The following CSMD1 variants were observed in gnomAD, a reference collection of about 807,000 sequenced individuals.
CSMD1 encodes CUB and Sushi multiple domains 1.
Under a neutral mutation model 417.5 loss-of-function variants are expected in CSMD1, and 213 were observed. The observed-to-expected ratio is 0.51, with a 90% CI of 0.46 to 0.57. The LOEUF (loss-of-function observed/expected upper bound fraction) is 0.57, where lower values mean the gene tolerates loss of function less well. Ranked by LOEUF, CSMD1 falls within the 20% of genes least tolerant of loss-of-function variation. CSMD1 has a pLI of 0.00. For synonymous variants in CSMD1, 2,862 were observed against 1,736.8 expected (o/e 1.65, Z -16.11); for missense variants, 6,923 against 4,529.7 (o/e 1.53, Z -15.17).
At chr8:4,584,789 G>C (rs908001611) in intron 2 of CSMD1, among the ~76,000 whole-genome samples, 2 of 152,080 alleles carry the variant, frequency 1.3e-5, no homozygotes, top group African/African-American at 4.8e-5. Context: ...TCTGAGGTTA[G>C]GCCCGCTTCT....
intron 5 of CSMD1, among the ~76,000 whole-genome samples, chr8:3,754,433 CTTATTTATTTATTTATTTAT>C (rs34887868): frequency 1.4e-5 from 2 of 145,496 alleles, no homozygotes; most frequent in Non-Finnish European, 3.0e-5. Context: ...TTAGTAATTC[CTTATTTATTTATTTATTTAT>C]TTATTTATTT....
At chr8:3,889,122 T>A (rs1305659263) in intron 5 of CSMD1, among the ~76,000 whole-genome samples, 1 of 152,006 alleles carries the variant, frequency 6.6e-6, no homozygotes, top group African/African-American at 2.4e-5. Flanking sequence ...GAAGTTTTAC[T>A]CCCAATGATT....
At chr8:4,592,288 T>A (rs1800030810) in intron 2 of CSMD1, among the ~76,000 whole-genome samples, 1 of 151,614 alleles carries the variant, frequency 6.6e-6, no homozygotes, top group African/African-American at 2.4e-5. Flanking sequence ...ATAGTGAAAG[T>A]GGTATATTTA....
intron 5 of CSMD1, among the ~76,000 whole-genome samples, chr8:3,953,934 G>C (rs1163102183): frequency 2.0e-5 from 3 of 152,220 alleles, no homozygotes; most frequent in Non-Finnish European, 4.4e-5. Context: ...CCTGGCAAGG[G>C]TGGCTCTGGG....
intron 3 of CSMD1, among the ~76,000 whole-genome samples, chr8:4,154,754 C>T (rs746968204): frequency 1.3e-5 from 2 of 151,960 alleles, no homozygotes; most frequent in Non-Finnish European, 1.5e-5. Context: ...GCTAATATCC[C>T]CGTAAGATAT....
chr8:3,658,526 T>C (rs1348139046), intron 7 of CSMD1, among the ~76,000 whole-genome samples: 1 of 150,996 alleles, frequency 6.6e-6, no homozygotes, highest in Non-Finnish European at 1.5e-5. Flanking sequence ...CTCATGCCTG[T>C]AATCCCAGCA....
At chr8:3,117,159 C>G (rs944614989) in intron 42 of CSMD1, among the ~76,000 whole-genome samples, 2 of 152,144 alleles carry the variant, frequency 1.3e-5, no homozygotes, top group African/African-American at 4.8e-5. Flanking sequence ...CAACCTCAGC[C>G]TCCTGGGTTC....
At chr8:4,261,220 G>C (rs896211971) in intron 3 of CSMD1, among the ~76,000 whole-genome samples, 1 of 152,152 alleles carries the variant, frequency 6.6e-6, no homozygotes, top group African/African-American at 2.4e-5. Context: ...AGGAGGACCA[G>C]CCATTCCTGA....
At chr8:4,823,473 C>T (rs947127381) in intron 1 of CSMD1, among the ~76,000 whole-genome samples, 5 of 151,822 alleles carry the variant, frequency 3.3e-5, no homozygotes, top group African/African-American at 1.2e-4. Flanking sequence ...TTAGGGCAAC[C>T]GAGGATTCCA....
At chr8:3,841,431 A>C (rs544513444) in intron 5 of CSMD1, among the ~76,000 whole-genome samples, 2 of 152,162 alleles carry the variant, frequency 1.3e-5, no homozygotes, top group Non-Finnish European at 2.9e-5. Flanking sequence ...AAAACAACAA[A>C]ACAATCTTTG....
At chr8:3,797,513 G>A (rs1015162159) in intron 5 of CSMD1, among the ~76,000 whole-genome samples, 2 of 151,724 alleles carry the variant, frequency 1.3e-5, no homozygotes, top group African/African-American at 2.4e-5. Context: ...TTATATAAAT[G>A]GAATTATATA....
At chr8:4,151,232 G>A (rs1796555710) in intron 3 of CSMD1, among the ~76,000 whole-genome samples, 1 of 152,106 alleles carries the variant, frequency 6.6e-6, no homozygotes, top group South Asian at 2.1e-4. Context: ...TATAAATACG[G>A]TGAAGTTTAC....
chr8:4,319,572 G>A (rs1435019138), intron 3 of CSMD1, among the ~76,000 whole-genome samples: 1 of 152,142 alleles, frequency 6.6e-6, no homozygotes, highest in Non-Finnish European at 1.5e-5. Context: ...ATTGTTGGCT[G>A]TTGAATAACA....
At chr8:4,639,208 A>G (rs1237023173) in intron 1 of CSMD1, among the ~76,000 whole-genome samples, 1 of 149,340 alleles carries the variant, frequency 6.7e-6, no homozygotes, top group Non-Finnish European at 1.5e-5. Context: ...CTTCCCACAT[A>G]CAAGCTCTCC....
chr8:3,412,080 A>ACG (rs150524740), intron 12 of CSMD1, among the ~76,000 whole-genome samples: 1,097 of 22,406 alleles, frequency 0.049, 331 homozygotes, highest in African/African-American at 0.08. Flanking sequence ...ACATATATAC[A>ACG]TATATATACA....
At chr8:4,257,770 C>G in intron 3 of CSMD1, among the ~76,000 whole-genome samples, 1 of 152,296 alleles carries the variant, frequency 6.6e-6, no homozygotes, top group Non-Finnish European at 1.5e-5. Flanking sequence ...GATAAAACAG[C>G]ATCCGCCTCG....
chr8:3,217,991 T>C (rs1019910047), intron 29 of CSMD1, among the ~76,000 whole-genome samples: 1 of 152,262 alleles, frequency 6.6e-6, no homozygotes, highest in African/African-American at 2.4e-5. Context: ...ACACCTTGTA[T>C]TTTATTTTGT....
At chr8:4,168,178 TACAC>T (rs1563214741) in intron 3 of CSMD1, among the ~76,000 whole-genome samples, 2 of 137,142 alleles carry the variant, frequency 1.5e-5, no homozygotes, top group African/African-American at 2.7e-5. Flanking sequence ...CACACACACA[TACAC>T]ACACACGTAT....
intron 53 of CSMD1, among the ~76,000 whole-genome samples, chr8:2,998,691 C>G (rs1032391078): frequency 2.6e-5 from 4 of 152,156 alleles, no homozygotes; most frequent in African/African-American, 9.6e-5. Flanking sequence ...TAAGCACACT[C>G]AGCTCCTATT....
Sources: gnomAD v4.1 joint callset for allele counts (sites outside exome capture counted in the v4.1 genomes callset) on GRCh38, gnomAD v4.1.1 for gene constraint, MANE v1.5 for transcripts, NCBI Gene and HGNC (gene_info 2026-07-23, HGNC 2026-07-21) for gene names.